ABCC6: variants seen among roughly 807,000 people sequenced by gnomAD.
The protein encoded by ABCC6 is ATP binding cassette subfamily C member 6.
A neutral mutation model predicts 169.5 loss-of-function variants in ABCC6; 126 were observed. The observed-to-expected ratio is 0.74, with a 90% CI of 0.64 to 0.86. ABCC6 has a LOEUF of 0.86. Ranked by LOEUF, ABCC6 falls within the 40% of genes least tolerant of loss-of-function variation. The pLI is 0.00. For synonymous variants in ABCC6, 752 were observed against 814.7 expected (o/e 0.92, Z 1.31); for missense variants, 1,733 against 1,927.2 (o/e 0.90, Z 1.89).
chr16:16,152,133 A>G (rs2046402762), intron 29 of ABCC6, among the ~76,000 whole-genome samples: 1 of 70,196 alleles, frequency 1.4e-5, no homozygotes, highest in Non-Finnish European at 2.5e-5. Context: ...CAGAGCTTGC[A>G]AGTGAGCCAA....
intron 13 of ABCC6, 127 bp downstream of exon 13, chr16:16,188,704 C>A (rs976220900): frequency 7.4e-7 from 1 of 1,353,450 alleles, no homozygotes; most frequent in African/African-American, 1.4e-5. Flanking sequence ...TTTTCCAGCT[C>A]CACACCATCC....
At position 16,149,975 on chromosome 16, in the gene ABCC6, G is replaced by A. The variant is rs1470437552; in HGVS notation, c.*158C>T. On this transcript the variant is annotated 3_prime_UTR_variant, in exon 31 of 31. Coordinates refer to ENST00000205557, the MANE Select transcript of ABCC6 (RefSeq NM_001171.6). The stretch of plus-strand genomic sequence containing the variant: ...GGTCCTTCCGGCTCTGATGCTCTGT[G>A]ATAATTGGCCACTTTCTCTGCCATT... 2.6e-6 allele frequency: 3 copies of A among 1,156,214 alleles called. No homozygotes were observed. The African/African-American group carries it at 4.6e-5, about 18-fold the overall frequency. The allele number at this position is 1,156,214 out of a possible 1,614,324, so 71.6% of individuals were successfully genotyped here. A position where few individuals can be genotyped will look rare whatever the true frequency, so the allele number is the denominator to read the frequency against.
intron 7 of ABCC6, among the ~76,000 whole-genome samples, chr16:16,206,601 G>T (rs556207816): frequency 1.3e-5 from 2 of 152,072 alleles, no homozygotes; most frequent in East Asian, 3.9e-4. Flanking sequence ...TTCTCTGTGG[G>T]TGCAGTCGGT....
chr16:16,196,827 G>A (rs1407233013), intron 10 of ABCC6, among the ~76,000 whole-genome samples: 2 of 152,136 alleles, frequency 1.3e-5, no homozygotes, highest in African/African-American at 4.8e-5. Context: ...TCAGCCTCCT[G>A]AGTGGATGGG....
Position 16,201,081 on chromosome 16 carries a change from G to C in ABCC6, c.1176+920C>G, listed in dbSNP as rs568235716. The stretch of plus-strand genomic sequence containing the variant: ...TCCCGGGTTCAAGCGATTCTCCTGT[G>C]TCAGCTTCCCAAGTAGCTGGAATTA... On this transcript the variant is annotated intron_variant, in intron 9 of 30. Transcript: ENST00000205557. 9.9e-5 allele frequency among the ~76,000 whole-genome samples: 15 copies of C among 152,218 alleles called. No homozygotes were observed. In the South Asian group the frequency reaches 1.7e-3, roughly 17 times the overall value.
At chr16:16,219,282 A>G (rs1026888408) in intron 4 of ABCC6, among the ~76,000 whole-genome samples, 2 of 151,438 alleles carry the variant, frequency 1.3e-5, no homozygotes, top group African/African-American at 2.4e-5. Flanking sequence ...TGTGCGATGT[A>G]TGAATCAGTG....
chr16:16,205,851 A>G (rs2048376311), intron 7 of ABCC6, among the ~76,000 whole-genome samples: 1 of 152,118 alleles, frequency 6.6e-6, no homozygotes, highest in African/African-American at 2.4e-5. Context: ...ATGAATGGGA[A>G]AAACAGATTG....
chr16:16,213,705 C>G (rs1477342352), intron 5 of ABCC6, among the ~76,000 whole-genome samples: 2 of 149,898 alleles, frequency 1.3e-5, no homozygotes, highest in Non-Finnish European at 3.0e-5. Flanking sequence ...GGATTACAGG[C>G]GTGCACCACC....
At chr16:16,183,004 A>G in intron 15 of ABCC6, 74 bp from the exon 16 acceptor site, 1 of 1,612,084 alleles carries the variant, frequency 6.2e-7, no homozygotes, top group Non-Finnish European at 8.5e-7. Context: ...TGAGCCCCAG[A>G]CGGAGCTGAG....
chr16:16,165,228 C>T (rs2046837693), intron 23 of ABCC6, among the ~76,000 whole-genome samples: 1 of 152,142 alleles, frequency 6.6e-6, no homozygotes, highest in South Asian at 2.1e-4. Flanking sequence ...CTGGGCAACA[C>T]AGGAAGACAC....
At position 16,169,741 on chromosome 16, in the gene ABCC6, C is replaced by G; in HGVS notation, c.2900G>C (p.Trp967Ser). ...AGGGTCGTCCGCCCACAGGCTCAGC[C>G]AGTAGCCCCGGCAGAAGGAGGCCAC... ...QQVASFCRGY[W>S]LSLWADDPAV... Residue 967 changes from tryptophan (W) to serine (S), a missense_variant, in exon 22 of 31, where the codon TGG (tryptophan) becomes TCG (serine). Trp to Ser is a radical substitution (Grantham distance 177). Transcript: ENST00000205557. 6.2e-7 allele frequency: 1 copy of G among 1,608,034 alleles called. No individual in the cohort carries two copies. The highest frequency in any genetic ancestry group is 8.5e-7 in the Non-Finnish European group (1 of 1,177,792).
intron 4 of ABCC6, among the ~76,000 whole-genome samples, chr16:16,216,208 C>T (rs1477314907): frequency 2.6e-5 from 4 of 152,216 alleles, no homozygotes; most frequent in African/African-American, 9.6e-5. Flanking sequence ...AGGTGTGAGC[C>T]ACTGTGTCCA....
At chr16:16,203,290 T>C in intron 8 of ABCC6, 120 bp downstream of exon 8, 3 of 1,522,730 alleles carry the variant, frequency 2.0e-6, no homozygotes, top group Non-Finnish European at 2.7e-6. Context: ...TCACCCACCA[T>C]CCAGTGTCCC....
chr16:16,194,720 T>C (rs1179721594), intron 10 of ABCC6, among the ~76,000 whole-genome samples: 3 of 152,150 alleles, frequency 2.0e-5, no homozygotes, highest in Non-Finnish European at 2.9e-5. Flanking sequence ...AGATGGATTC[T>C]TGTTCTGTGA....
At position 16,184,198 on chromosome 16, in the gene ABCC6, CAAAAAAAAAAAAAAAA is replaced by C. The variant is rs56071235; in HGVS notation, c.1943+745_1943+760del. On this transcript the variant is annotated intron_variant, in intron 15 of 30. Transcript: ENST00000205557. ...CGCGTGATAGAGCAAGACTCCGTTT[CAAAAAAAAAAAAAAAA>C]AAAAAAAAAAAAAGAACAGCTCTTC... 9 of 71,944 alleles carry C rather than the reference CAAAAAAAAAAAAAAAA, an allele frequency of 1.3e-4. No homozygotes were observed. In the Middle Eastern group the frequency reaches 2.9e-3, roughly 23 times the overall value. The allele number at this position is 71,944 out of a possible 1,614,324, so 4.5% of individuals were successfully genotyped here. A position where few individuals can be genotyped will look rare whatever the true frequency, so the allele number is the denominator to read the frequency against.
At chr16:16,164,165 C>T (rs116023668) in intron 23 of ABCC6, among the ~76,000 whole-genome samples, 57 of 152,218 alleles carry the variant, frequency 3.7e-4, no homozygotes, top group African/African-American at 1.4e-3. Flanking sequence ...TCCCAAGAAG[C>T]TGGGATTACA....
Position 16,163,083 on chromosome 16 carries a change from G to A in ABCC6, c.3416C>T (p.Ala1139Val). 1.2e-6 allele frequency: 2 copies of A among 1,613,920 alleles called. No homozygotes were observed. The highest frequency in any genetic ancestry group is 8.5e-7 in the Non-Finnish European group (1 of 1,180,030). ...ETFQGSTVVR[A>V]FRTQAPFVAQ... ...CACAAAGGGGGCCTGGGTTCGGAAT[G>A]CCCGGACCACTGTGCTGCCCTGGAA... Residue 1139 changes from alanine to valine, a missense_variant, in exon 24 of 31, where the codon GCA becomes GTA. Around this residue, in one of 5 missense-constraint regions of ABCC6, gnomAD observed 1,601 missense variants for 1,635.5 expected, o/e 0.98. Coordinates refer to ENST00000205557, the MANE Select transcript of ABCC6 (RefSeq NM_001171.6).
Position 16,157,891 on chromosome 16 carries a change from TTTCTC to T in ABCC6, c.3736-87_3736-83del, listed in dbSNP as rs1452498562. The T allele has an allele frequency of 8.1e-6, 12 of 1,473,584 alleles. No individual in the cohort carries two copies. The Middle Eastern group carries it at 5.7e-4, about 71-fold the overall frequency. 91.3% of individuals were successfully genotyped at this position (1,473,584 alleles called of 1,614,324 possible). On this transcript the variant is annotated intron_variant, in intron 26 of 30. Transcript: ENST00000205557. ...ATGGCCCACCTCTATCAGCTTCAGTTTTCTCTTCCGCAAAATGGACGTATTTATTG... is the reference window on the plus strand; with the variant it reads ...ATGGCCCACCTCTATCAGCTTCAGTTTTCCGCAAAATGGACGTATTTATTG...
intron 10 of ABCC6, among the ~76,000 whole-genome samples, chr16:16,194,802 A>G (rs2047979958): frequency 6.6e-6 from 1 of 152,014 alleles, no homozygotes; most frequent in Non-Finnish European, 1.5e-5. Flanking sequence ...CTCCTGTCTC[A>G]GCCTCCTGAG....
Sources: gnomAD v4.1 joint callset for allele counts (sites outside exome capture counted in the v4.1 genomes callset) on GRCh38, gnomAD v4.1.1 for gene constraint, gnomAD v4.1.1 regional missense constraint, MANE v1.5 for transcripts, NCBI Gene and HGNC (gene_info 2026-07-23, HGNC 2026-07-21) for gene names.